Variants in CPXM1 observed in about 807,000 individuals in gnomAD.
CPXM1 encodes carboxypeptidase X, M14 family member 1, also known as probable carboxypeptidase X1.
In CPXM1, 72 loss-of-function variants were observed where a neutral mutation model predicts 80.4. The observed-to-expected ratio is 0.90, with a 90% CI of 0.74 to 1.09. The LOEUF is 1.09. Ranked by LOEUF, CPXM1 falls within the 50% of genes least tolerant of loss-of-function variation. The pLI is 0.00. For synonymous variants in CPXM1, 403 were observed against 405.6 expected, an observed-to-expected ratio of 0.99 and a Z score of 0.08; for missense variants, 892 against 999.4, an observed-to-expected ratio of 0.89 and a Z score of 1.45.
chr20:2,797,020 T>C lies in CPXM1; in HGVS notation c.907A>G (p.Lys303Glu), dbSNP rs149615295. ...TTATATCTGACCTTCCTCATGGCCT[T>C]GTAATTGTGATGCTGAAAGTCTAGA... ...DPLDFQHHNY[K>E]AMRKLMKQVQ... Residue 303 changes from lysine (K) to glutamate (E), a missense_variant, in exon 7 of 14, where the codon AAG becomes GAG. Lys to Glu is a moderately conservative substitution (Grantham distance 56). Transcript: ENST00000380605. The C allele has an allele frequency of 1.2e-6, 2 of 1,613,712 alleles. No individual in the cohort carries two copies. Among genetic ancestry groups the C allele is most frequent in the African/African-American group, 2.7e-5 (2 of 74,854 alleles).
At position 2,795,626 on chromosome 20, in the gene CPXM1, C is replaced by T. The variant is rs191472527; in HGVS notation, c.1693G>A (p.Gly565Arg). Reference sequence around the variant, plus strand: ...CCGGGGACCGTGTGCCAGTCAGCCCCGTTGATGATGTTGCCGTGCACGGAG... The same window carrying T: ...CCGGGGACCGTGTGCCAGTCAGCCCTGTTGATGATGTTGCCGTGCACGGAG... ...DFSVHGNIIN[G>R]ADWHTVPGSM... The change falls in exon 11 of 14, where the codon GGG becomes AGG. Residue 565 changes from glycine (G) to arginine (R), a missense_variant. By Grantham distance (125) the Gly-to-Arg change is moderately radical. Transcript: ENST00000380605. This position sits in a 1 kb window ranked among gnomAD's most constrained non-coding sequence, Gnocchi z 5.4. 8.7e-6 allele frequency: 14 copies of T among 1,613,938 alleles called. No individual in the cohort carries two copies. Among genetic ancestry groups the T allele is most frequent in the East Asian group, 2.2e-5 (1 of 44,864 alleles).
At chr20:2,798,124 C>T (rs1279209202) in intron 4 of CPXM1, 28 bp downstream of exon 4, 2 of 1,613,592 alleles carry the variant, frequency 1.2e-6, no homozygotes, top group Non-Finnish European at 1.7e-6. Context: ...CTTCTGTGAC[C>T]TCCTGACCTA....
rs1449946799 is a variant in CPXM1 at position 2,794,444 on chromosome 20, A to T, written c.1964-13T>A. On this transcript the variant is annotated splice_polypyrimidine_tract_variant and intron_variant, in intron 13 of 13. Transcript: ENST00000380605. This position sits in a 1 kb window ranked among gnomAD's most constrained non-coding sequence, Gnocchi z 5.2. ...TCCCCGCCCCACGCTGAGGAGAGTG[A>T]AGGGCACGATCAGGACCCAATTAAT... 4 of 1,613,360 alleles carry T rather than the reference A, an allele frequency of 2.5e-6. No individual in the cohort carries two copies. In the Admixed American group the frequency reaches 5.0e-5, roughly 20 times the overall value.
chr20:2,798,364 A>G, intron 3 of CPXM1, 64 bp downstream of exon 3: 1 of 1,603,138 alleles, frequency 6.2e-7, no homozygotes, highest in Admixed American at 1.7e-5. Flanking sequence ...AGGAGGCAGG[A>G]GAGAAGCTCC....
rs559802149 is a variant in CPXM1 at position 2,796,670 on chromosome 20, G to A, written c.922-20C>T. ...CATCAGCTGGTGGGCAGAGTGTAGC[G>A]TGGCATGAGGCATGGGAGGGGTACA... On this transcript the variant is annotated intron_variant, in intron 7 of 13. Transcript: ENST00000380605. The surrounding 1 kb of genome is among the most constrained non-coding windows in gnomAD (Gnocchi z 6.8). The A allele has an allele frequency of 1.1e-5, 18 of 1,613,278 alleles. No homozygotes were observed. The highest frequency in any genetic ancestry group is 6.7e-5 in the East Asian group (3 of 44,874).
Position 2,796,710 on chromosome 20 carries a change from A to T in CPXM1, c.922-60T>A. 6.3e-7 allele frequency: 1 copy of T among 1,596,354 alleles called. No homozygotes were observed. Among genetic ancestry groups the T allele is most frequent in the Non-Finnish European group, 8.6e-7 (1 of 1,169,248 alleles). On this transcript the variant is annotated intron_variant, in intron 7 of 13. Coordinates refer to ENST00000380605, the MANE Select transcript of CPXM1 (RefSeq NM_019609.5). This position sits in a 1 kb window ranked among gnomAD's most constrained non-coding sequence, Gnocchi z 6.8. Reference sequence around the variant, plus strand: ...GGAGGGGTACACCCAGGGGCAGATCACATGTGCCATGGAAAGACTTAAAAA... The same window carrying T: ...GGAGGGGTACACCCAGGGGCAGATCTCATGTGCCATGGAAAGACTTAAAAA...
rs1380020974 is a variant in CPXM1, at chr20:2,794,175, C to A, written c.*15G>T. On this transcript the variant is annotated 3_prime_UTR_variant, in exon 14 of 14. Transcript: ENST00000380605. This position sits in a 1 kb window ranked among gnomAD's most constrained non-coding sequence, Gnocchi z 5.2. The stretch of plus-strand genomic sequence containing the variant: ...GACAGGTCCAGCCTGCCCTAGGGCT[C>A]TTAAACCGCAGGTATCAATCCTTCT... 2 of 1,600,082 alleles carry A rather than the reference C, an allele frequency of 1.2e-6. No homozygotes were observed. The highest frequency in any genetic ancestry group is 1.1e-5 in the South Asian group (1 of 88,928).
At chr20:2,800,151 G>GCAC (rs1426472563) in intron 1 of CPXM1, among the ~76,000 whole-genome samples, 3 of 149,766 alleles carry the variant, frequency 2.0e-5, no homozygotes, top group Non-Finnish European at 3.0e-5. Flanking sequence ...GCACGCGCGT[G>GCAC]TGAGTGTGCG....
rs571787457 is a variant in CPXM1, at chr20:2,800,334, G to A, written c.172+67C>T. ...TGTGCCCGCGTGTTAGGGAGGGATC[G>A]CCCCACGGGGCAGGAGAGCCGGGCA... On this transcript the variant is annotated intron_variant, in intron 1 of 13. Coordinates refer to ENST00000380605, the MANE Select transcript of CPXM1 (RefSeq NM_019609.5). The A allele has an allele frequency of 1.2e-5, 16 of 1,366,164 alleles. No homozygotes were observed. The East Asian group carries it at 3.2e-4, about 28-fold the overall frequency. The allele number at this position is 1,366,164 out of a possible 1,614,324, so 84.6% of individuals were successfully genotyped here.
Position 2,795,945 on chromosome 20 carries a change from C to T in CPXM1, c.1422+37G>A. Reference sequence around the variant, plus strand: ...GCAGGAGACAGAGACAAGGTCCGCCCCCCACAGACCTCCACTGCCGCCCTC... The same window carrying T: ...GCAGGAGACAGAGACAAGGTCCGCCTCCCACAGACCTCCACTGCCGCCCTC... On this transcript the variant is annotated intron_variant, in intron 10 of 13. Coordinates refer to ENST00000380605, the MANE Select transcript of CPXM1 (RefSeq NM_019609.5). This position sits in a 1 kb window ranked among gnomAD's most constrained non-coding sequence, Gnocchi z 5.4. 6.2e-7 allele frequency: 1 copy of T among 1,600,168 alleles called. No homozygotes were observed. The highest frequency in any genetic ancestry group is 8.5e-7 in the Non-Finnish European group (1 of 1,170,920).
chr20:2,795,709 G>A lies in CPXM1; in HGVS notation c.1610C>T (p.Ala537Val), dbSNP rs777608220. The A allele has an allele frequency of 2.9e-5, 46 of 1,613,892 alleles. No individual in the cohort carries two copies. Among genetic ancestry groups the A allele is most frequent in the Non-Finnish European group, 3.3e-5 (39 of 1,180,042 alleles). Reference protein sequence around the residue: ...AVFRWLSTVYAGSNLAMQDTS... With the variant: ...AVFRWLSTVYVGSNLAMQDTS... ...GTCCTGCATGGCCAGATTACTGCCAGCATAGACAGTGCTGAGCCAGCGAAA... is the reference window on the plus strand; with the variant it reads ...GTCCTGCATGGCCAGATTACTGCCAACATAGACAGTGCTGAGCCAGCGAAA... Residue 537 changes from alanine to valine, a missense_variant, in exon 11 of 14, where the codon GCT becomes GTT. Transcript: ENST00000380605. This position sits in a 1 kb window ranked among gnomAD's most constrained non-coding sequence, Gnocchi z 5.4.
At chr20:2,797,126 T>G in intron 6 of CPXM1, 32 bp from the exon 7 acceptor site, 2 of 1,613,366 alleles carry the variant, frequency 1.2e-6, no homozygotes, top group Middle Eastern at 1.7e-4. Context: ...GTAAAGGGTG[T>G]GTCCACAGTG....
chr20:2,797,173 C>G lies in CPXM1; in HGVS notation c.832+19G>C, dbSNP rs752671588. On this transcript the variant is annotated intron_variant, in intron 6 of 13. Transcript: ENST00000380605. ...CTGCATCCAAGCCCTGCCCAACCAA[C>G]CCTGGCCTGACTGCCCACCTGAGAC... The G allele has an allele frequency of 3.1e-6, 5 of 1,605,586 alleles. No homozygotes were observed. In the South Asian group the frequency reaches 5.5e-5, roughly 18 times the overall value.
chr20:2,794,145 G>T lies in CPXM1; in HGVS notation c.*45C>A. ...CTCCCTCTCTACTCTTCCCCTTCCCGTCTTGACAGGTCCAGCCTGCCCTAG... is the reference window on the plus strand; with the variant it reads ...CTCCCTCTCTACTCTTCCCCTTCCCTTCTTGACAGGTCCAGCCTGCCCTAG... On this transcript the variant is annotated 3_prime_UTR_variant, in exon 14 of 14. Transcript: ENST00000380605. The surrounding 1 kb of genome is among the most constrained non-coding windows in gnomAD (Gnocchi z 5.2). 5.8e-6 allele frequency: 9 copies of T among 1,556,978 alleles called. No individual in the cohort carries two copies. Among genetic ancestry groups the T allele is most frequent in the Non-Finnish European group, 7.8e-6 (9 of 1,152,056 alleles).
chr20:2,797,592 A>T (rs1173884961), intron 5 of CPXM1, among the ~76,000 whole-genome samples: 1 of 152,184 alleles, frequency 6.6e-6, no homozygotes, highest in African/African-American at 2.4e-5. Context: ...GGGGAAGCCA[A>T]TCCTAGAGCT....
At chr20:2,797,420 C>T (rs1016789986) in intron 5 of CPXM1, 78 bp from the exon 6 acceptor site, 24 of 1,406,090 alleles carry the variant, frequency 1.7e-5, no homozygotes, top group Non-Finnish European at 2.1e-5. Flanking sequence ...GAGCTCAGGC[C>T]TCCAAGCTTA....
Position 2,795,800 on chromosome 20 carries a change from G to C in CPXM1, c.1519C>G (p.Pro507Ala). The change falls in exon 11 of 14, where the codon CCA becomes GCA. Residue 507 changes from proline to alanine, a missense_variant. Coordinates refer to ENST00000380605, the MANE Select transcript of CPXM1 (RefSeq NM_019609.5). The surrounding 1 kb of genome is among the most constrained non-coding windows in gnomAD (Gnocchi z 5.4). ...LHGGELVVSY[P>A]FDMTRTPWAA... is the part of the protein sequence containing the mutation. The stretch of plus-strand genomic sequence containing the variant: ...CACGGGGTGCGAGTCATGTCGAATG[G>C]GTAGGACACCACGAGCTCACCCCCG... The C allele has an allele frequency of 6.2e-7, 1 of 1,612,326 alleles. No homozygotes were observed. Among genetic ancestry groups the C allele is most frequent in the South Asian group, 1.1e-5 (1 of 91,088 alleles).
rs769586671 is a variant in CPXM1, at chr20:2,796,303, G to T, written c.1186C>A (p.Arg396Ser). Residue 396 changes from arginine (R) to serine (S), a missense_variant, in exon 9 of 14, where the codon CGC becomes AGC. By Grantham distance (110) the Arg-to-Ser change is moderately radical (BLOSUM62 -1). Around this residue, in one of 2 missense-constraint regions of CPXM1, gnomAD observed 874 missense variants for 958.4 expected, o/e 0.91. Coordinates refer to ENST00000380605, the MANE Select transcript of CPXM1 (RefSeq NM_019609.5). This position sits in a 1 kb window ranked among gnomAD's most constrained non-coding sequence, Gnocchi z 6.8. ...PRVTRLLSEM[R>S]IHLLPSMNPD... ...TTCATGGAGGGCAGCAGGTGAATGC[G>T]CATCTCAGAGAGCAGCCGGGTCACC... 1.2e-6 allele frequency: 2 copies of T among 1,613,868 alleles called. No homozygotes were observed. Among genetic ancestry groups the T allele is most frequent in the Non-Finnish European group, 1.7e-6 (2 of 1,179,996 alleles).
rs575019450 is a variant in CPXM1, at chr20:2,794,140, T to C, written c.*50A>G. The stretch of plus-strand genomic sequence containing the variant: ...TGTCCCTCCCTCTCTACTCTTCCCC[T>C]TCCCGTCTTGACAGGTCCAGCCTGC... On this transcript the variant is annotated 3_prime_UTR_variant, in exon 14 of 14. Transcript: ENST00000380605. This position sits in a 1 kb window ranked among gnomAD's most constrained non-coding sequence, Gnocchi z 5.2. 5.2e-6 allele frequency: 8 copies of C among 1,550,182 alleles called. No individual in the cohort carries two copies. The East Asian group carries it at 1.6e-4, about 31-fold the overall frequency.
Sources: allele counts gnomAD v4.1 joint callset (sites outside exome capture counted in the v4.1 genomes callset), GRCh38; gene constraint gnomAD v4.1.1; regional missense constraint gnomAD v4.1.1; non-coding constraint Gnocchi (gnomAD v3.1); transcripts MANE v1.5; gene names NCBI Gene and HGNC (gene_info 2026-07-23, HGNC 2026-07-21).